The following CD2AP variants were observed in gnomAD, a reference collection of about 807,000 sequenced individuals.
CD2AP encodes the protein CD2-associated protein.
CD2AP carries 46 observed loss-of-function variants against 85.1 expected under a neutral mutation model. The ratio of observed to expected loss-of-function variants is 0.54; its 90% confidence interval spans 0.43 to 0.69. CD2AP has a LOEUF of 0.69. CD2AP is among the 30% of genes least tolerant of loss of function. The pLI, the probability that CD2AP is intolerant of heterozygous loss-of-function variation, is 0.00. For synonymous variants in CD2AP, 255 were observed against 252.9 expected (o/e 1.01, Z -0.08); for missense variants, 769 against 729.5 (o/e 1.05, Z -0.62).
intron 2 of CD2AP, among the ~76,000 whole-genome samples, chr6:47,521,658 A>C (rs957041210): frequency 2.0e-5 from 3 of 152,238 alleles, no homozygotes; most frequent in Non-Finnish European, 4.4e-5. Flanking sequence ...ATAGATTTGC[A>C]TTCAGCAAAA....
chr6:47,619,731 A>G (rs1769696504), intron 17 of CD2AP, among the ~76,000 whole-genome samples: 1 of 152,090 alleles, frequency 6.6e-6, no homozygotes, highest in African/African-American at 2.4e-5. Context: ...GCCAACATCT[A>G]CTGTTTTTTG....
intron 1 of CD2AP, among the ~76,000 whole-genome samples, chr6:47,491,271 ATGTGTGTGTGTGTGTGTG>A (rs57447174): frequency 1.6e-5 from 2 of 122,482 alleles, no homozygotes; most frequent in African/African-American, 5.3e-5. Context: ...GTGTGTGTGT[ATGTGTGTGTGTGTGTGTG>A]TGTGTGTGTG....
chr6:47,531,584 T>C (rs967956989), intron 2 of CD2AP, among the ~76,000 whole-genome samples: 1 of 151,514 alleles, frequency 6.6e-6, no homozygotes, highest in Non-Finnish European at 1.5e-5. Context: ...TTGGTCTCTC[T>C]GGTCCTCAGT....
chr6:47,526,793 T>C (rs1056619601), intron 2 of CD2AP, among the ~76,000 whole-genome samples: 1 of 152,084 alleles, frequency 6.6e-6, no homozygotes, highest in Non-Finnish European at 1.5e-5. Context: ...CTCTCAGAAG[T>C]GTGAATTTTA....
At position 47,518,057 on chromosome 6, in the gene CD2AP, G is replaced by C. The variant is rs182204341; in HGVS notation, c.165+14617G>C. Reference sequence around the variant, plus strand: ...TTGTAAAACTTTTGTGTCAGGTGTTGTTGGGGGAGGTTCTGAGTGTGTGTC... The same window carrying C: ...TTGTAAAACTTTTGTGTCAGGTGTTCTTGGGGGAGGTTCTGAGTGTGTGTC... On this transcript the variant is annotated intron_variant, in intron 2 of 17. Coordinates refer to ENST00000359314, the MANE Select transcript of CD2AP (RefSeq NM_012120.3). Among the ~76,000 whole-genome samples the C allele has an allele frequency of 4.2e-3, 632 of 152,260 alleles. 14 individuals are homozygous for C. The highest frequency in any genetic ancestry group is 8.5e-4 in the Non-Finnish European group (58 of 68,018).
intron 13 of CD2AP, 132 bp from the exon 14 acceptor site, chr6:47,606,033 G>A: frequency 1.6e-6 from 1 of 618,562 alleles, no homozygotes; most frequent in South Asian, 2.0e-5. Flanking sequence ...GAAAAGCACA[G>A]GTCAATTTGT....
chr6:47,548,866 G>T (rs1767438670), intron 4 of CD2AP, among the ~76,000 whole-genome samples: 1 of 152,096 alleles, frequency 6.6e-6, no homozygotes, highest in African/African-American at 2.4e-5. Context: ...CGATCAAGTG[G>T]GTTTCATATC....
intron 2 of CD2AP, among the ~76,000 whole-genome samples, chr6:47,520,292 A>G (rs1470282060): frequency 1.3e-5 from 2 of 152,190 alleles, no homozygotes; most frequent in African/African-American, 2.4e-5. Flanking sequence ...ATAACAGTCA[A>G]TATTGGTTGA....
At chr6:47,480,453 G>A (rs1765414463) in intron 1 of CD2AP, among the ~76,000 whole-genome samples, 1 of 152,134 alleles carries the variant, frequency 6.6e-6, no homozygotes, top group Admixed American at 6.5e-5. Flanking sequence ...ATTAAATGGT[G>A]GTTCTTAAGT....
chr6:47,517,603 TA>T (rs1766487013), intron 2 of CD2AP, among the ~76,000 whole-genome samples: 2 of 152,028 alleles, frequency 1.3e-5, no homozygotes, highest in Non-Finnish European at 2.9e-5. Context: ...AACCTCTTTT[TA>T]AAATAAATTA....
At chr6:47,545,686 A>G (rs375254110) in intron 4 of CD2AP, among the ~76,000 whole-genome samples, 41 of 152,334 alleles carry the variant, frequency 2.7e-4, no homozygotes, top group African/African-American at 9.9e-4. Context: ...GATGGTTCAC[A>G]TCACGGGACT....
intron 1 of CD2AP, among the ~76,000 whole-genome samples, chr6:47,486,138 T>G (rs1054183235): frequency 6.6e-6 from 1 of 152,232 alleles, no homozygotes; most frequent in Non-Finnish European, 1.5e-5. Context: ...AGTATTTTCC[T>G]TAATGTGAGG....
At chr6:47,501,214 C>A (rs1329245719) in intron 1 of CD2AP, among the ~76,000 whole-genome samples, 1 of 152,112 alleles carries the variant, frequency 6.6e-6, no homozygotes, top group African/African-American at 2.4e-5. Flanking sequence ...TAGCCAGACC[C>A]CATCTCTATT....
intron 3 of CD2AP, among the ~76,000 whole-genome samples, chr6:47,543,827 T>C (rs966115777): frequency 1.3e-5 from 2 of 152,182 alleles, no homozygotes; most frequent in South Asian, 2.1e-4. Flanking sequence ...AGTAAGTAGA[T>C]GTGGGGTGGA....
At chr6:47,594,176 TTTTAGAAG>T (rs1178035816) in intron 11 of CD2AP, among the ~76,000 whole-genome samples, 1 of 152,050 alleles carries the variant, frequency 6.6e-6, no homozygotes, top group Non-Finnish European at 1.5e-5. Context: ...GTTGGAAGTG[TTTTAGAAG>T]TAGATAAAGG....
intron 1 of CD2AP, among the ~76,000 whole-genome samples, chr6:47,489,967 CTTTTTT>C (rs71684059): frequency 8.2e-6 from 1 of 121,700 alleles, no homozygotes; most frequent in Non-Finnish European, 1.7e-5. Context: ...TCTAAAGAGA[CTTTTTT>C]TTTTTTTTTT....
chr6:47,483,816 T>G (rs1370601152), intron 1 of CD2AP, among the ~76,000 whole-genome samples: 3 of 149,298 alleles, frequency 2.0e-5, no homozygotes, highest in Admixed American at 2.0e-4. Context: ...TTTTTGCTCC[T>G]GTCTCTTTTT....
At chr6:47,614,535 T>C (rs745973584) in intron 17 of CD2AP, among the ~76,000 whole-genome samples, 1 of 152,202 alleles carries the variant, frequency 6.6e-6, no homozygotes, top group Non-Finnish European at 1.5e-5. Context: ...CCAGAACAAT[T>C]ACAATATTAA....
chr6:47,625,195 G>GAAGCTACAATTTA lies in CD2AP; in HGVS notation c.*968_*969insAAGCTACAATTTA, dbSNP rs1769879884. On this transcript the variant is annotated 3_prime_UTR_variant, in exon 18 of 18. Transcript: ENST00000359314. ...TTTCTCCTTCTGACTTTTAATAATG[G>GAAGCTACAATTTA]TAATAGGAAAACAAAACCCAAAGCT... 2 of 151,700 alleles carry GAAGCTACAATTTA rather than the reference G, an allele frequency of 1.3e-5. No individual in the cohort carries two copies. The highest frequency in any genetic ancestry group is 4.8e-5 in the African/African-American group (2 of 41,364). 9.4% of individuals were successfully genotyped at this position (151,700 alleles called of 1,614,324 possible). A position where few individuals can be genotyped will look rare whatever the true frequency, so the allele number is the denominator to read the frequency against.
Sources: allele counts gnomAD v4.1 joint callset (sites outside exome capture counted in the v4.1 genomes callset), GRCh38; gene constraint gnomAD v4.1.1; transcripts MANE v1.5; gene names NCBI Gene and HGNC (gene_info 2026-07-23, HGNC 2026-07-21).